The following FER variants were observed in gnomAD, a reference collection of about 807,000 sequenced individuals.
The protein encoded by FER is FER tyrosine kinase.
Under a neutral mutation model 111.0 loss-of-function variants are expected in FER, and 63 were observed. The ratio of observed to expected loss-of-function variants is 0.57; its 90% confidence interval spans 0.46 to 0.70. The LOEUF is 0.70. Ranked by LOEUF, FER falls within the 30% of genes least tolerant of loss-of-function variation. The pLI is 0.00. For synonymous variants in FER, 327 were observed against 313.9 expected, an observed-to-expected ratio of 1.04 and a Z score of -0.44; for missense variants, 914 against 954.0, an observed-to-expected ratio of 0.96 and a Z score of 0.55.
chr5:108,998,276 C>T (rs1202516842), intron 13 of FER, among the ~76,000 whole-genome samples: 1 of 151,748 alleles, frequency 6.6e-6, no homozygotes, highest in East Asian at 1.9e-4. Flanking sequence ...GCCCTCGTTG[C>T]CTAGCCACCT....
At chr5:108,956,633 C>T (rs1581387417) in intron 12 of FER, among the ~76,000 whole-genome samples, 1 of 151,494 alleles carries the variant, frequency 6.6e-6, no homozygotes, top group African/African-American at 2.4e-5. Flanking sequence ...TGAAATTTTT[C>T]AAATATCTCT....
At chr5:109,012,884 T>C (rs1392258353) in intron 13 of FER, among the ~76,000 whole-genome samples, 1 of 152,102 alleles carries the variant, frequency 6.6e-6, no homozygotes, top group Non-Finnish European at 1.5e-5. Flanking sequence ...ACCAAAGTCA[T>C]ACTTGATAGA....
intron 5 of FER, among the ~76,000 whole-genome samples, chr5:108,838,167 G>A (rs1456751652): frequency 2.0e-5 from 3 of 152,052 alleles, no homozygotes; most frequent in African/African-American, 7.2e-5. Context: ...TAGGAGTTTT[G>A]TGGAGTTATT....
At chr5:109,127,473 G>A (rs1420816055) in intron 17 of FER, among the ~76,000 whole-genome samples, 4 of 151,798 alleles carry the variant, frequency 2.6e-5, no homozygotes, top group Non-Finnish European at 5.9e-5. Flanking sequence ...ACGTGATCTC[G>A]GCTCACTGCA....
intron 10 of FER, among the ~76,000 whole-genome samples, chr5:108,916,204 A>G (rs1752241473): frequency 6.6e-6 from 1 of 152,210 alleles, no homozygotes; most frequent in Admixed American, 6.5e-5. Flanking sequence ...CTCTTCCTTT[A>G]TAGTTTAATA....
chr5:109,193,573 G>A lies in FER; in HGVS notation c.*5998G>A, dbSNP rs1759526954. The A allele has an allele frequency of 6.6e-6, 1 of 152,142 alleles. No homozygotes were observed. The highest frequency in any genetic ancestry group is 6.6e-5 in the Admixed American group (1 of 15,264). The allele number at this position is 152,142 out of a possible 1,614,324, so 9.4% of individuals were successfully genotyped here. On this transcript the variant is annotated 3_prime_UTR_variant, in exon 20 of 20. Transcript: ENST00000281092. ...TGTTCTAAGTGACAGTGTTGATGCT[G>A]GAAGTGGAATGTTATGTTTTCGCTC... is the stretch of plus-strand genomic sequence containing the variant.
intron 3 of FER, among the ~76,000 whole-genome samples, chr5:108,810,469 A>G (rs540514459): frequency 6.6e-6 from 1 of 152,338 alleles, no homozygotes; most frequent in South Asian, 2.1e-4. Flanking sequence ...GGCAGGCAGA[A>G]GCACCAGCAC....
At chr5:109,095,033 T>C (rs1390188086) in intron 16 of FER, among the ~76,000 whole-genome samples, 1 of 152,150 alleles carries the variant, frequency 6.6e-6, no homozygotes, top group Non-Finnish European at 1.5e-5. Context: ...TTTACAGAAC[T>C]GTTATCATAA....
At chr5:109,108,295 G>T (rs989743111) in intron 17 of FER, among the ~76,000 whole-genome samples, 5 of 152,148 alleles carry the variant, frequency 3.3e-5, no homozygotes, top group African/African-American at 1.2e-4. Context: ...ATTCTGAGCT[G>T]ATGATAAAAC....
At chr5:109,022,531 A>T (rs998445566) in intron 13 of FER, among the ~76,000 whole-genome samples, 1 of 152,100 alleles carries the variant, frequency 6.6e-6, no homozygotes, top group Non-Finnish European at 1.5e-5. Flanking sequence ...GGAAAAGAAG[A>T]TGTCACATTT....
chr5:109,177,026 C>G (rs563552402), intron 17 of FER, among the ~76,000 whole-genome samples: 11 of 152,160 alleles, frequency 7.2e-5, no homozygotes, highest in African/African-American at 2.4e-4. Flanking sequence ...ATGAAACTGG[C>G]AAAGTCTGAT....
intron 15 of FER, among the ~76,000 whole-genome samples, chr5:109,045,327 T>TATATATACATTATATAC (rs1411922745): frequency 8.6e-6 from 1 of 116,196 alleles, no homozygotes; most frequent in African/African-American, 3.4e-5. Flanking sequence ...TACCTTTTTA[T>TATATATACATTATATAC]AGCTATCCTT....
chr5:108,928,036 A>G (rs970697866), intron 10 of FER, among the ~76,000 whole-genome samples: 1 of 152,228 alleles, frequency 6.6e-6, no homozygotes, highest in Non-Finnish European at 1.5e-5. Flanking sequence ...CTGCCACAGT[A>G]GCTGAAAGCA....
chr5:108,756,515 A>G (rs1024889902), intron 1 of FER, among the ~76,000 whole-genome samples: 4 of 152,062 alleles, frequency 2.6e-5, no homozygotes, highest in African/African-American at 9.7e-5. Context: ...TAATATATTT[A>G]ATAAATTTGC....
chr5:108,771,735 A>T (rs543113119), intron 2 of FER, among the ~76,000 whole-genome samples: 2 of 152,230 alleles, frequency 1.3e-5, no homozygotes. Context: ...ATATTTATAT[A>T]TGTAAAAAAT....
chr5:108,767,174 C>G (rs903915291), intron 1 of FER, among the ~76,000 whole-genome samples: 1 of 152,060 alleles, frequency 6.6e-6, no homozygotes, highest in Non-Finnish European at 1.5e-5. Flanking sequence ...CGTGGTGGTG[C>G]ATGCCTGTAA....
chr5:108,850,263 T>A (rs118190282), intron 5 of FER, among the ~76,000 whole-genome samples: 2,383 of 152,230 alleles, frequency 0.016, 155 homozygotes, highest in East Asian at 0.11. Flanking sequence ...AAATTTATAA[T>A]GATCCTCTAC....
chr5:109,067,513 A>G (rs1307346359), intron 16 of FER, among the ~76,000 whole-genome samples: 1 of 152,030 alleles, frequency 6.6e-6, no homozygotes, highest in East Asian at 1.9e-4. Flanking sequence ...ATGATAGCTT[A>G]TACACTGTTC....
At chr5:108,949,701 G>A (rs897665690) in intron 11 of FER, among the ~76,000 whole-genome samples, 15 of 152,000 alleles carry the variant, frequency 9.9e-5, no homozygotes, top group Non-Finnish European at 1.6e-4. Flanking sequence ...ATATGGTTGC[G>A]TATTGACATA....
Sources: gnomAD v4.1 joint callset for allele counts (sites outside exome capture counted in the v4.1 genomes callset) on GRCh38, gnomAD v4.1.1 for gene constraint, MANE v1.5 for transcripts, NCBI Gene and HGNC (gene_info 2026-07-23, HGNC 2026-07-21) for gene names.